CCDC57: variants seen among roughly 807,000 people sequenced by gnomAD.
The protein encoded by CCDC57 is coiled-coil domain containing 57.
A neutral mutation model predicts 118.9 loss-of-function variants in CCDC57; 118 were observed. The observed-to-expected ratio is 0.99, with a 90% CI of 0.86 to 1.16. The LOEUF (loss-of-function observed/expected upper bound fraction) is 1.16, where lower values mean the gene tolerates loss of function less well. Ranked by LOEUF, CCDC57 falls within the 50% of genes most tolerant of loss-of-function variation. The pLI is 0.00. For synonymous variants in CCDC57, 527 were observed against 532.9 expected, an observed-to-expected ratio of 0.99 and a Z score of 0.15; for missense variants, 1,300 against 1,320.7, an observed-to-expected ratio of 0.98 and a Z score of 0.24.
At chr17:82,173,137 C>T (rs1187155268) in intron 11 of CCDC57, among the ~76,000 whole-genome samples, 6 of 143,942 alleles carry the variant, frequency 4.2e-5, no homozygotes, top group East Asian at 2.3e-4. Context: ...GGGCTGTGGG[C>T]GGGGAGGGGG....
At chr17:82,198,671 TA>T (rs1286205194) in intron 3 of CCDC57, among the ~76,000 whole-genome samples, 1 of 148,202 alleles carries the variant, frequency 6.7e-6, no homozygotes, top group African/African-American at 2.5e-5. Context: ...AGGATACAAT[TA>T]AAAAAAAAAC....
chr17:82,137,728 C>A (rs976324022), intron 16 of CCDC57, among the ~76,000 whole-genome samples: 1 of 148,868 alleles, frequency 6.7e-6, no homozygotes, highest in African/African-American at 2.5e-5. Context: ...GGCTGGAGTG[C>A]AGTGGCGCAA....
Position 82,118,150 on chromosome 17 carries a change from CAAGAA to C in CCDC57, c.2899+9537_2899+9541del, listed in dbSNP as rs549204820. 1.4e-3 allele frequency among the ~76,000 whole-genome samples: 209 copies of C among 152,206 alleles called. 2 individuals are homozygous for C. The highest frequency in any genetic ancestry group is 2.3e-3 in the Non-Finnish European group (159 of 68,014). On this transcript the variant is annotated intron_variant, in intron 19 of 19. Coordinates refer to ENST00000665763, the Ensembl canonical transcript of CCDC57. This position sits in a 1 kb window ranked among gnomAD's most constrained non-coding sequence, Gnocchi z 4.7. ...AGCTGCCCCCACGATATGCAATTGA[CAAGAA>C]AAGAGGATATACACATATATTTAAA...
intron 19 of CCDC57, among the ~76,000 whole-genome samples, chr17:82,123,495 G>A (rs546546879): frequency 7.9e-5 from 12 of 152,038 alleles, no homozygotes; most frequent in Non-Finnish European, 1.8e-4. Flanking sequence ...TATGAGGGAT[G>A]TTACATACTG....
At chr17:82,169,485 C>T (rs1236717862) in intron 13 of CCDC57, among the ~76,000 whole-genome samples, 1 of 152,188 alleles carries the variant, frequency 6.6e-6, no homozygotes. Flanking sequence ...CTGGCCCCTC[C>T]CTTTCTTTTC....
At chr17:82,143,772 G>C (rs1016012625) in intron 16 of CCDC57, among the ~76,000 whole-genome samples, 1 of 151,868 alleles carries the variant, frequency 6.6e-6, no homozygotes, top group African/African-American at 2.4e-5. Context: ...GGTAAAACAG[G>C]AGCACCTAAC....
At chr17:82,115,463 T>C (rs562325347) in intron 19 of CCDC57, among the ~76,000 whole-genome samples, 1 of 152,202 alleles carries the variant, frequency 6.6e-6, no homozygotes, top group Non-Finnish European at 1.5e-5. Context: ...TTAACAGAAT[T>C]ATGCGACCTT....
intron 19 of CCDC57, among the ~76,000 whole-genome samples, chr17:82,103,838 C>G (rs564194144): frequency 6.7e-6 from 1 of 148,888 alleles, no homozygotes; most frequent in Non-Finnish European, 1.5e-5. Flanking sequence ...CAGGGAGGGG[C>G]AGGGAGGGGC....
exon 14 of CCDC57, chr17:82,163,259 T>C: frequency 6.2e-7 from 1 of 1,614,076 alleles, no homozygotes. Flanking sequence ...CCGAGCTTCC[T>C]GAGTGCCAGT....
intron 19 of CCDC57, chr17:82,127,247 G>C: frequency 2.0e-6 from 2 of 985,356 alleles, no homozygotes; most frequent in Non-Finnish European, 2.4e-6. Flanking sequence ...GCATCACTGG[G>C]GTCGGCCTGG....
At chr17:82,160,852 C>T (rs1480108933) in intron 14 of CCDC57, among the ~76,000 whole-genome samples, 6 of 110,660 alleles carry the variant, frequency 5.4e-5, no homozygotes, top group East Asian at 3.0e-4. Context: ...CCAGCCTGGG[C>T]GACACAGCAA....
At chr17:82,171,775 A>G (rs2044772834) in exon 13 of CCDC57, 1 of 1,613,904 alleles carries the variant, frequency 6.2e-7, no homozygotes, top group Non-Finnish European at 8.5e-7. Flanking sequence ...AGGATCCAAC[A>G]CATCTTCTAG....
intron 16 of CCDC57, among the ~76,000 whole-genome samples, chr17:82,140,760 G>A (rs2039905841): frequency 6.6e-6 from 1 of 152,158 alleles, no homozygotes; most frequent in South Asian, 2.1e-4. Flanking sequence ...CGATGTTACA[G>A]AGCCCACATC....
intron 14 of CCDC57, among the ~76,000 whole-genome samples, chr17:82,162,646 G>C (rs1335979721): frequency 1.3e-4 from 4 of 31,660 alleles, no homozygotes; most frequent in Non-Finnish European, 1.7e-4. Context: ...AGGTGGCATC[G>C]GGCAGCCCGC....
chr17:82,126,299 A>C (rs1170556005), intron 19 of CCDC57: 4 of 746,234 alleles, frequency 5.4e-6, no homozygotes, highest in African/African-American at 3.9e-5. Flanking sequence ...AAAAAAAAAA[A>C]CAGACAAGAT....
At chr17:82,169,072 G>A (rs2044347798) in intron 13 of CCDC57, among the ~76,000 whole-genome samples, 1 of 152,166 alleles carries the variant, frequency 6.6e-6, no homozygotes, top group Non-Finnish European at 1.5e-5. Flanking sequence ...GATAATGCAA[G>A]AAGAAGTAAA....
exon 17 of CCDC57, chr17:82,134,174 G>A: frequency 7.5e-7 from 1 of 1,337,960 alleles, no homozygotes; most frequent in Non-Finnish European, 9.6e-7. Flanking sequence ...GCAGGAGGGA[G>A]GGCGTGGTGC....
intron 16 of CCDC57, among the ~76,000 whole-genome samples, chr17:82,150,585 AC>A (rs2041829622): frequency 2.8e-5 from 1 of 35,480 alleles, no homozygotes; most frequent in Non-Finnish European, 5.0e-5. Flanking sequence ...TCAGAACCTG[AC>A]CCGCACCCAG....
At chr17:82,138,160 T>C (rs2145500586) in intron 16 of CCDC57, among the ~76,000 whole-genome samples, 1 of 148,998 alleles carries the variant, frequency 6.7e-6, no homozygotes, top group Non-Finnish European at 1.5e-5. Flanking sequence ...TTTTTTTTTT[T>C]TTTTTTGAGA....
Sources: allele counts gnomAD v4.1 joint callset (sites outside exome capture counted in the v4.1 genomes callset), GRCh38; gene constraint gnomAD v4.1.1; non-coding constraint Gnocchi (gnomAD v3.1); transcripts MANE v1.5; gene names NCBI Gene and HGNC (gene_info 2026-07-23, HGNC 2026-07-21).